Variants in SERAC1 observed in about 807,000 individuals in gnomAD.
SERAC1 encodes the protein protein SERAC1.
Under a neutral mutation model 85.7 loss-of-function variants are expected in SERAC1, and 36 were observed. The observed-to-expected ratio is 0.42, with a 90% CI of 0.32 to 0.55. The LOEUF (loss-of-function observed/expected upper bound fraction) is 0.55. Ranked by LOEUF, SERAC1 falls within the 20% of genes least tolerant of loss-of-function variation. The probability of loss-of-function intolerance (pLI) is 0.11; values close to 1 mark genes in which losing one functional copy is unlikely to be tolerated. For synonymous variants in SERAC1, 242 were observed against 265.3 expected (o/e 0.91, Z 0.85); for missense variants, 629 against 796.2 (o/e 0.79, Z 2.53).
chr6:158,143,920 C>T (rs529171163), intron 7 of SERAC1, among the ~76,000 whole-genome samples: 1 of 152,264 alleles, frequency 6.6e-6, no homozygotes, highest in African/African-American at 2.4e-5. Context: ...TGCTACTACA[C>T]ACCCTACAAT....
chr6:158,164,341 G>A (rs1785551010), intron 1 of SERAC1, among the ~76,000 whole-genome samples: 1 of 151,978 alleles, frequency 6.6e-6, no homozygotes. Flanking sequence ...TGGGTGTGGT[G>A]GCGGGCACCT....
chr6:158,167,902 A>C (rs1440909167), intron 1 of SERAC1, among the ~76,000 whole-genome samples: 1 of 151,992 alleles, frequency 6.6e-6, no homozygotes, highest in African/African-American at 2.4e-5. Flanking sequence ...GCACTCCCCA[A>C]GGCCTCGACA....
chr6:158,144,467 G>A, intron 6 of SERAC1, 47 bp from the exon 7 acceptor site: 2 of 1,511,876 alleles, frequency 1.3e-6, no homozygotes, highest in Non-Finnish European at 1.8e-6. Context: ...CTAGCTGACA[G>A]ATGTCATAAA....
chr6:158,142,634 G>C (rs1043407455), intron 8 of SERAC1, among the ~76,000 whole-genome samples: 1 of 151,950 alleles, frequency 6.6e-6, no homozygotes, highest in African/African-American at 2.4e-5. Flanking sequence ...GTGCCACCAC[G>C]CCCAGCTAAT....
chr6:158,116,968 T>C (rs1465928752), intron 13 of SERAC1: 2 of 152,764 alleles, frequency 1.3e-5, no homozygotes, highest in African/African-American at 4.8e-5. Flanking sequence ...TCGAAATAAG[T>C]AATTTTTAAA....
At chr6:158,153,724 A>T (rs972057737) in intron 3 of SERAC1, among the ~76,000 whole-genome samples, 10 of 152,164 alleles carry the variant, frequency 6.6e-5, no homozygotes, top group African/African-American at 2.4e-4. Context: ...TGCACTCTGG[A>T]TTCAGAGCTT....
At chr6:158,125,174 T>A (rs1784511761) in intron 10 of SERAC1, among the ~76,000 whole-genome samples, 1 of 152,120 alleles carries the variant, frequency 6.6e-6, no homozygotes, top group Non-Finnish European at 1.5e-5. Flanking sequence ...CCTCCCACAT[T>A]AATAGAATTA....
intron 8 of SERAC1, among the ~76,000 whole-genome samples, chr6:158,138,974 C>G (rs1784858315): frequency 6.6e-6 from 1 of 152,088 alleles, no homozygotes; most frequent in Non-Finnish European, 1.5e-5. Context: ...GTGGCATGAT[C>G]ACTGCTCACT....
At chr6:158,149,725 TATA>T (rs1486088258) in intron 4 of SERAC1, among the ~76,000 whole-genome samples, 2 of 152,238 alleles carry the variant, frequency 1.3e-5, no homozygotes, top group South Asian at 2.1e-4. Context: ...CACAAAATGA[TATA>T]ATAACAAATA....
chr6:158,145,578 T>C, intron 6 of SERAC1, among the ~76,000 whole-genome samples: 1 of 148,338 alleles, frequency 6.7e-6, no homozygotes, highest in Non-Finnish European at 1.5e-5. Context: ...TGGAGTGGAG[T>C]GGTACAATCT....
rs1784639516 is a variant in SERAC1, at chr6:158,130,024, T to C, written c.852+349A>G. 2.6e-5 allele frequency among the ~76,000 whole-genome samples: 4 copies of C among 152,216 alleles called. No homozygotes were observed. The South Asian group carries it at 8.3e-4, about 31-fold the overall frequency. On this transcript the variant is annotated intron_variant, in intron 9 of 16. Coordinates refer to ENST00000647468, the MANE Select transcript of SERAC1 (RefSeq NM_032861.4). ...TTTTTCTTTTATCCTGTCACATCTT[T>C]GGCAGTTGTTTTAATGGAAATTATC...
intron 1 of SERAC1, among the ~76,000 whole-genome samples, chr6:158,164,642 A>G (rs1562464384): frequency 6.6e-6 from 1 of 152,210 alleles, no homozygotes; most frequent in Non-Finnish European, 1.5e-5. Context: ...AAGTTTAACA[A>G]TATGGAGGTC....
intron 1 of SERAC1, chr6:158,162,278 G>A (rs1014308886): frequency 1.3e-5 from 2 of 152,114 alleles, no homozygotes; most frequent in Non-Finnish European, 2.9e-5. Flanking sequence ...GTAAAGGGTT[G>A]TTACAAATAT....
At chr6:158,137,999 C>G (rs1350914996) in intron 8 of SERAC1, among the ~76,000 whole-genome samples, 2 of 152,128 alleles carry the variant, frequency 1.3e-5, no homozygotes, top group African/African-American at 4.8e-5. Context: ...AGACGCAGGT[C>G]CTCTCCAAGG....
In SERAC1 at chr6:158,115,084, A is replaced by T. The variant is rs2502604; in HGVS notation, c.1502-113T>A. On this transcript the variant is annotated intron_variant, in intron 14 of 16. Coordinates refer to ENST00000647468, the MANE Select transcript of SERAC1 (RefSeq NM_032861.4). ...ACATAAAAAGAGATGCTTTCTTTTT[A>T]AAAAAAATGGTTTAAACAATTCTCT... The T allele has an allele frequency of 0.5, 548,512 of 1,094,088 alleles. 141,436 individuals carry two copies. The highest frequency in any genetic ancestry group is 0.61 in the African/African-American group (38,665 of 63,196). The allele number at this position is 1,094,088 out of a possible 1,614,324, so 67.8% of individuals were successfully genotyped here.
At chr6:158,157,426 A>G (rs936342965) in intron 2 of SERAC1, among the ~76,000 whole-genome samples, 1 of 152,234 alleles carries the variant, frequency 6.6e-6, no homozygotes, top group Non-Finnish European at 1.5e-5. Context: ...TTCTAGATGA[A>G]AATGATCTAT....
At chr6:158,118,651 C>CAA (rs1784350255) in intron 12 of SERAC1, among the ~76,000 whole-genome samples, 1 of 149,370 alleles carries the variant, frequency 6.7e-6, no homozygotes, top group African/African-American at 2.5e-5. Flanking sequence ...GAAAGAAATG[C>CAA]AAAGTATAAT....
intron 9 of SERAC1, among the ~76,000 whole-genome samples, chr6:158,128,734 C>T (rs908876612): frequency 6.6e-5 from 10 of 152,168 alleles, no homozygotes; most frequent in Admixed American, 6.6e-4. Context: ...CTCTGTGGCC[C>T]CACACCCTAT....
chr6:158,146,968 C>T, intron 5 of SERAC1, 55 bp from the exon 6 acceptor site: 1 of 1,570,718 alleles, frequency 6.4e-7, no homozygotes, highest in African/African-American at 1.4e-5. Context: ...ATACTTTTAT[C>T]TTCACTTTAA....
Sources: allele counts gnomAD v4.1 joint callset (sites outside exome capture counted in the v4.1 genomes callset), GRCh38; gene constraint gnomAD v4.1.1; transcripts MANE v1.5; gene names NCBI Gene and HGNC (gene_info 2026-07-23, HGNC 2026-07-21).